The following TSHZ2 variants were observed in gnomAD, a reference collection of about 807,000 sequenced individuals.
The protein encoded by TSHZ2 is teashirt homolog 2.
A neutral mutation model predicts 74.4 loss-of-function variants in TSHZ2; 21 were observed. The observed-to-expected ratio is 0.28, with a 90% CI of 0.20 to 0.41. TSHZ2 has a LOEUF of 0.41. TSHZ2 is among the 10% of genes least tolerant of loss of function. The probability of loss-of-function intolerance (pLI) is 1.00; values close to 1 mark genes in which losing one functional copy is unlikely to be tolerated. For synonymous variants in TSHZ2, 540 were observed against 515.3 expected (o/e 1.05, Z -0.65); for missense variants, 1,244 against 1,293.5 (o/e 0.96, Z 0.59).
At chr20:53,326,985 T>C (rs1243710385) in intron 2 of TSHZ2, among the ~76,000 whole-genome samples, 13 of 152,206 alleles carry the variant, frequency 8.5e-5, no homozygotes, top group Non-Finnish European at 1.5e-5. Flanking sequence ...GAAATAGAGC[T>C]TGTTCTGGAA....
At chr20:53,240,922 C>T (rs1275769818) in intron 1 of TSHZ2, among the ~76,000 whole-genome samples, 1 of 152,102 alleles carries the variant, frequency 6.6e-6, no homozygotes, top group African/African-American at 2.4e-5. Flanking sequence ...AAGAACAAGA[C>T]AATGGCTGTC....
intron 1 of TSHZ2, among the ~76,000 whole-genome samples, chr20:53,020,407 G>A (rs192192475): frequency 1.6e-4 from 24 of 152,248 alleles, no homozygotes; most frequent in African/African-American, 5.1e-4. Context: ...GATGGCCAAC[G>A]AAAACAGCCA....
At chr20:53,456,848 G>A (rs1419292664) in intron 2 of TSHZ2, among the ~76,000 whole-genome samples, 1 of 65,432 alleles carries the variant, frequency 1.5e-5, no homozygotes, top group African/African-American at 7.7e-5. Context: ...TCTCAGGTTT[G>A]TCAAAGATCA....
chr20:53,262,406 G>T (rs764560806), intron 2 of TSHZ2, among the ~76,000 whole-genome samples: 1 of 152,044 alleles, frequency 6.6e-6, no homozygotes, highest in Non-Finnish European at 1.5e-5. Flanking sequence ...TTCATCAAAC[G>T]GCTCCTAATG....
chr20:53,148,813 C>A (rs556888024), intron 1 of TSHZ2, among the ~76,000 whole-genome samples: 35 of 152,234 alleles, frequency 2.3e-4, no homozygotes, highest in Non-Finnish European at 4.0e-4. Flanking sequence ...AATTTTATTG[C>A]TTTTCATTGG....
intron 2 of TSHZ2, among the ~76,000 whole-genome samples, chr20:53,352,748 T>C (rs1446558756): frequency 1.4e-5 from 2 of 138,066 alleles, no homozygotes; most frequent in East Asian, 4.1e-4. Flanking sequence ...CACCCCAGCC[T>C]GGGCGACAAA....
chr20:52,996,861 A>C (rs1982215566), intron 1 of TSHZ2, among the ~76,000 whole-genome samples: 1 of 152,174 alleles, frequency 6.6e-6, no homozygotes, highest in Non-Finnish European at 1.5e-5. Context: ...AGTCCAATGC[A>C]TATGTAATAC....
At position 53,469,774 on chromosome 20, in the gene TSHZ2, G is replaced by A. The variant is rs1044900415; in HGVS notation, c.*9-17370G>A. Among the ~76,000 whole-genome samples the A allele has an allele frequency of 8.6e-3, 220 of 25,478 alleles. 15 individuals are homozygous for A. Among genetic ancestry groups the A allele is most frequent in the Non-Finnish European group, 0.012 (159 of 13,726 alleles). The allele number at this position is 25,478 out of a possible 152,430, so 16.7% of individuals were successfully genotyped here. On this transcript the variant is annotated intron_variant, in intron 2 of 2. Coordinates refer to ENST00000371497, the MANE Select transcript of TSHZ2 (RefSeq NM_173485.6). ...CAAGAAAGATAGAGAGGGAGGAAGG[G>A]AGGGAGGGAGGGAGGAAGGAAGGAA...
intron 2 of TSHZ2, among the ~76,000 whole-genome samples, chr20:53,428,000 G>A (rs907134588): frequency 6.6e-6 from 1 of 152,148 alleles, no homozygotes; most frequent in African/African-American, 2.4e-5. Flanking sequence ...CAAATTATCT[G>A]ATTTGGCACA....
intron 2 of TSHZ2, among the ~76,000 whole-genome samples, chr20:53,262,365 A>G (rs997168647): frequency 1.3e-5 from 2 of 152,126 alleles, no homozygotes; most frequent in African/African-American, 4.8e-5. Context: ...CTTGCCCTCT[A>G]TTGTTGGAAA....
At chr20:53,321,452 G>A (rs559756339) in intron 2 of TSHZ2, among the ~76,000 whole-genome samples, 6 of 152,036 alleles carry the variant, frequency 3.9e-5, no homozygotes, top group South Asian at 4.2e-4. Flanking sequence ...TTGGGCAGCC[G>A]AAGCAGGCGG....
At chr20:53,421,247 C>A in intron 2 of TSHZ2, 1 of 157,660 alleles carries the variant, frequency 6.3e-6, no homozygotes. Context: ...GCCTTTAGGC[C>A]ATGTCTCCTT....
chr20:53,364,875 C>A (rs140169519), intron 2 of TSHZ2, among the ~76,000 whole-genome samples: 448 of 152,336 alleles, frequency 2.9e-3, no homozygotes, highest in Middle Eastern at 6.8e-3. Context: ...CTAATGACTC[C>A]ATTTCTGTGA....
At chr20:53,443,140 T>C (rs1390493849) in intron 2 of TSHZ2, among the ~76,000 whole-genome samples, 1 of 152,230 alleles carries the variant, frequency 6.6e-6, no homozygotes, top group African/African-American at 2.4e-5. Context: ...CTGGAAGCAC[T>C]TGCCACATTT....
intron 2 of TSHZ2, among the ~76,000 whole-genome samples, chr20:53,307,196 C>T (rs1600802023): frequency 6.6e-6 from 1 of 152,112 alleles, no homozygotes; most frequent in East Asian, 1.9e-4. Context: ...GTTACCTGCT[C>T]CTCCCAGGCT....
chr20:53,384,028 A>C (rs1412620066), intron 2 of TSHZ2, among the ~76,000 whole-genome samples: 1 of 152,088 alleles, frequency 6.6e-6, no homozygotes, highest in African/African-American at 2.4e-5. Context: ...GGGGCTCTGC[A>C]TTTCACCTTT....
At position 53,024,964 on chromosome 20, in the gene TSHZ2, C is replaced by A. The variant is rs536327955; in HGVS notation, c.40+51631C>A. On this transcript the variant is annotated intron_variant, in intron 1 of 2. Transcript: ENST00000371497. ...TACTGCCACAATAGACATACGTGTG[C>A]ATGTATCTTTATCTTGCAGGTAAAT... Among the ~76,000 whole-genome samples, 6 of 152,174 alleles carry A rather than the reference C, an allele frequency of 3.9e-5. No individual in the cohort carries two copies. The South Asian group carries it at 1.2e-3, about 32-fold the overall frequency.
At chr20:53,451,473 T>C (rs1984781957) in intron 2 of TSHZ2, among the ~76,000 whole-genome samples, 1 of 152,226 alleles carries the variant, frequency 6.6e-6, no homozygotes. Flanking sequence ...CTGGCTTTCT[T>C]TTAGCTCTTG....
At chr20:53,308,959 G>A (rs780816146) in intron 2 of TSHZ2, among the ~76,000 whole-genome samples, 13 of 152,316 alleles carry the variant, frequency 8.5e-5, no homozygotes, top group Admixed American at 1.3e-4. Flanking sequence ...GAAGAGGGCT[G>A]CGGTTTTAAC....
Sources: allele counts gnomAD v4.1 joint callset (sites outside exome capture counted in the v4.1 genomes callset), GRCh38; gene constraint gnomAD v4.1.1; transcripts MANE v1.5; gene names NCBI Gene and HGNC (gene_info 2026-07-23, HGNC 2026-07-21).